Variants in XIRP2 observed in about 807,000 individuals in gnomAD.
The protein encoded by XIRP2 is xin actin binding repeat containing 2.
XIRP2 carries 236 observed loss-of-function variants against 277.0 expected under a neutral mutation model. The ratio of observed to expected loss-of-function variants is 0.85; its 90% confidence interval spans 0.77 to 0.95. The LOEUF (loss-of-function observed/expected upper bound fraction) is 0.95. Among genes scored for constraint, XIRP2 ranks in the 40% least tolerant of loss-of-function variants. The pLI is 0.00. For synonymous variants in XIRP2, 1,490 were observed against 1,416.5 expected, an observed-to-expected ratio of 1.05 and a Z score of -1.17; for missense variants, 4,640 against 4,157.5, an observed-to-expected ratio of 1.12 and a Z score of -3.19.
Position 167,247,459 on chromosome 2 carries a change from A to C in XIRP2, c.6067A>C (p.Lys2023Gln). 6.2e-7 allele frequency: 1 copy of C among 1,613,748 alleles called. No homozygotes were observed. The highest frequency in any genetic ancestry group is 8.5e-7 in the Non-Finnish European group (1 of 1,179,770). The stretch of plus-strand genomic sequence containing the variant: ...TGAGGTTAATCTTCCAAAAGCCCCC[A>C]AAGGCACTGTAAAGATTGTCATAGA... ...RTEVNLPKAP[K>Q]GTVKIVIDRE... Residue 2023 changes from lysine (K) to glutamine (Q), a missense_variant, in exon 9 of 11, where the codon AAA becomes CAA. Transcript: ENST00000409195.
rs936988053 is a variant in XIRP2 at position 167,259,191 on chromosome 2, C to A, written c.*1374C>A. On this transcript the variant is annotated 3_prime_UTR_variant, in exon 11 of 11. Transcript: ENST00000409195. ...AGGGAATTTGGAAAGGATGTTAAAC[C>A]TTGGCATGTTGAAACAACAGAAGCT... 5 of 1,613,386 alleles carry A rather than the reference C, an allele frequency of 3.1e-6. No homozygotes were observed. Among genetic ancestry groups the A allele is most frequent in the East Asian group, 4.5e-5 (2 of 44,830 alleles).
At chr2:166,985,632 G>A (rs1012859260) in intron 2 of XIRP2, among the ~76,000 whole-genome samples, 11 of 151,856 alleles carry the variant, frequency 7.2e-5, no homozygotes, top group Admixed American at 2.0e-4. Context: ...GGGTTTCACC[G>A]TATTAGCCAG....
At chr2:166,952,206 G>A (rs372702665) in intron 2 of XIRP2, among the ~76,000 whole-genome samples, 1 of 151,954 alleles carries the variant, frequency 6.6e-6, no homozygotes, top group East Asian at 1.9e-4. Flanking sequence ...TGGCATGTGT[G>A]TCACCCAGGG....
chr2:167,164,172 G>A (rs898554040), intron 3 of XIRP2, among the ~76,000 whole-genome samples: 6 of 152,002 alleles, frequency 3.9e-5, no homozygotes, highest in Admixed American at 2.0e-4. Context: ...CGGGCGCAGC[G>A]GCTCACGCCT....
At chr2:167,113,904 G>A (rs943305971) in intron 2 of XIRP2, among the ~76,000 whole-genome samples, 5 of 152,096 alleles carry the variant, frequency 3.3e-5, no homozygotes, top group South Asian at 2.1e-4. Context: ...ATGAAGCTTC[G>A]TTTGGCTGGG....
chr2:166,953,432 T>C (rs1324786698), intron 2 of XIRP2, among the ~76,000 whole-genome samples: 1 of 151,996 alleles, frequency 6.6e-6, no homozygotes, highest in African/African-American at 2.4e-5. Context: ...GCCATGTAAG[T>C]CATCCCTTTG....
At chr2:167,232,725 C>T (rs750654967) in intron 5 of XIRP2, among the ~76,000 whole-genome samples, 1 of 151,868 alleles carries the variant, frequency 6.6e-6, no homozygotes, top group Non-Finnish European at 1.5e-5. Flanking sequence ...TCACAACAAC[C>T]TTCTGAGATA....
intron 10 of XIRP2, among the ~76,000 whole-genome samples, chr2:167,254,991 A>G (rs1695618572): frequency 6.6e-6 from 1 of 151,154 alleles, no homozygotes; most frequent in East Asian, 2.0e-4. Context: ...GAACACCCTC[A>G]TGGCAACATT....
intron 2 of XIRP2, among the ~76,000 whole-genome samples, chr2:167,085,778 T>TC (rs1689922524): frequency 6.6e-6 from 1 of 152,172 alleles, no homozygotes; most frequent in African/African-American, 2.4e-5. Context: ...CTGCCTTTTT[T>TC]GTTTTCCATT....
chr2:167,149,943 A>T (rs1042746218), intron 3 of XIRP2, among the ~76,000 whole-genome samples: 1 of 152,018 alleles, frequency 6.6e-6, no homozygotes, highest in African/African-American at 2.4e-5. Context: ...AAAATTAGGC[A>T]AAGTATACAA....
intron 2 of XIRP2, among the ~76,000 whole-genome samples, chr2:167,015,141 C>A (rs1687786233): frequency 6.6e-6 from 1 of 151,842 alleles, no homozygotes; most frequent in Admixed American, 6.6e-5. Flanking sequence ...CTGGCATCAC[C>A]ACATACACTA....
Position 167,250,459 on chromosome 2 carries a change from C to T in XIRP2, c.9067C>T (p.Leu3023Phe), listed in dbSNP as rs1356956763. 6.2e-7 allele frequency: 1 copy of T among 1,613,298 alleles called. No homozygotes were observed. The highest frequency in any genetic ancestry group is 8.5e-7 in the Non-Finnish European group (1 of 1,179,660). Residue 3023 changes from leucine (L) to phenylalanine (F), a missense_variant, in exon 9 of 11, where the codon CTT becomes TTT. Transcript: ENST00000409195. The part of the protein sequence containing the change: ...THIKTQAEDM[L>F]VSYENIIQTA... ...TATTAAAACTCAAGCGGAAGATATG[C>T]TTGTGTCCTATGAAAATATAATTCA...
chr2:167,121,020 T>G (rs1691041717), intron 2 of XIRP2, among the ~76,000 whole-genome samples: 2 of 152,280 alleles, frequency 1.3e-5, no homozygotes, highest in South Asian at 4.1e-4. Flanking sequence ...GTGAGTGATA[T>G]TATTGTGATT....
At chr2:166,975,358 G>A in intron 2 of XIRP2, among the ~76,000 whole-genome samples, 1 of 152,102 alleles carries the variant, frequency 6.6e-6, no homozygotes, top group East Asian at 1.9e-4. Context: ...TTTTTCAAGT[G>A]CATATAGTAT....
At chr2:167,152,481 C>T (rs760485690) in intron 3 of XIRP2, among the ~76,000 whole-genome samples, 23 of 152,114 alleles carry the variant, frequency 1.5e-4, no homozygotes, top group Non-Finnish European at 1.0e-4. Flanking sequence ...CGCTGTGACA[C>T]ATAAAACTTA....
intron 2 of XIRP2, among the ~76,000 whole-genome samples, chr2:167,054,711 A>T (rs1215088345): frequency 6.6e-6 from 1 of 151,592 alleles, no homozygotes; most frequent in Admixed American, 6.6e-5. Flanking sequence ...AAAAGGAAAC[A>T]GGGCCAGTTT....
intron 3 of XIRP2, among the ~76,000 whole-genome samples, chr2:167,145,268 G>C (rs545397817): frequency 1.3e-5 from 2 of 151,824 alleles, no homozygotes; most frequent in African/African-American, 4.8e-5. Flanking sequence ...CCATCTTTTT[G>C]TAAGCTAATT....
At chr2:167,027,238 CTTCAT>C (rs1688190506) in intron 2 of XIRP2, among the ~76,000 whole-genome samples, 2 of 152,038 alleles carry the variant, frequency 1.3e-5, no homozygotes, top group South Asian at 2.1e-4. Context: ...TCCCTCCTCG[CTTCAT>C]TTCATTTATT....
chr2:167,243,773 G>A lies in XIRP2; in HGVS notation c.2381G>A (p.Gly794Glu), dbSNP rs1363285374. Residue 794 changes from glycine (G) to glutamate (E), a missense_variant, in exon 9 of 11, where the codon GGA becomes GAA. Physicochemically the swap from Gly to Glu is moderately conservative, Grantham distance 98 (BLOSUM62 -2). Coordinates refer to ENST00000409195, the MANE Select transcript of XIRP2 (RefSeq NM_152381.6). The part of the protein sequence containing the change: ...KDITEIKVVR[G>E]ISMEENVKGG... Reference sequence around the variant, plus strand: ...ATCACAGAAATTAAAGTTGTCCGAGGAATATCCATGGAAGAAAATGTCAAA... The same window carrying A: ...ATCACAGAAATTAAAGTTGTCCGAGAAATATCCATGGAAGAAAATGTCAAA... The A allele has an allele frequency of 1.2e-6, 2 of 1,614,008 alleles. No individual in the cohort carries two copies. Among genetic ancestry groups the A allele is most frequent in the East Asian group, 4.5e-5 (2 of 44,840 alleles).
Sources: gnomAD v4.1 joint callset for allele counts (sites outside exome capture counted in the v4.1 genomes callset) on GRCh38, gnomAD v4.1.1 for gene constraint, MANE v1.5 for transcripts, NCBI Gene and HGNC (gene_info 2026-07-23, HGNC 2026-07-21) for gene names.